ROBO1: variants seen among roughly 807,000 people sequenced by gnomAD.
ROBO1 encodes roundabout guidance receptor 1, also known as roundabout homolog 1.
In ROBO1, 149 loss-of-function variants were observed where a neutral mutation model predicts 195.9. The observed-to-expected ratio is 0.76, with a 90% confidence interval of 0.67 to 0.87. The LOEUF is 0.87. Ranked by LOEUF, ROBO1 falls within the 40% of genes least tolerant of loss-of-function variation. The pLI is 0.00. For missense variants in ROBO1, 1,933 were observed against 2,068.3 expected, an observed-to-expected ratio of 0.93 and a Z score of 1.27; for synonymous variants, 816 against 733.2, an observed-to-expected ratio of 1.11 and a Z score of -1.82.
At chr3:79,280,334 ACT>A (rs1436293484) in intron 2 of ROBO1, among the ~76,000 whole-genome samples, 5 of 152,150 alleles carry the variant, frequency 3.3e-5, no homozygotes, top group African/African-American at 1.2e-4. Context: ...ATCATTATGT[ACT>A]CTGAGAATAT....
intron 3 of ROBO1, among the ~76,000 whole-genome samples, chr3:78,975,577 C>A (rs2076869301): frequency 6.6e-6 from 1 of 151,910 alleles, no homozygotes; most frequent in African/African-American, 2.4e-5. Context: ...GAGGGGATAA[C>A]CACTGAGAGG....
At chr3:78,646,700 T>C (rs1039518881) in intron 20 of ROBO1, among the ~76,000 whole-genome samples, 2 of 151,698 alleles carry the variant, frequency 1.3e-5, no homozygotes, top group South Asian at 2.1e-4. Flanking sequence ...CACACAAAGA[T>C]GTATGCCAAG....
intron 2 of ROBO1, among the ~76,000 whole-genome samples, chr3:79,256,012 C>T (rs1332297447): frequency 1.3e-5 from 2 of 152,170 alleles, no homozygotes; most frequent in African/African-American, 2.4e-5. Context: ...GGAAAGCATC[C>T]TTGGCAGACT....
intron 3 of ROBO1, among the ~76,000 whole-genome samples, chr3:79,016,725 C>T (rs2077946789): frequency 6.6e-6 from 1 of 152,160 alleles, no homozygotes; most frequent in Non-Finnish European, 1.5e-5. Flanking sequence ...GACCATTAAT[C>T]CCCCTATCTT....
At chr3:78,615,006 C>A (rs1704032480) in intron 27 of ROBO1, among the ~76,000 whole-genome samples, 1 of 152,130 alleles carries the variant, frequency 6.6e-6, no homozygotes, top group Non-Finnish European at 1.5e-5. Flanking sequence ...AAAGCATTTT[C>A]TGCTTATTTC....
chr3:79,079,859 G>A (rs1312519370), intron 3 of ROBO1, among the ~76,000 whole-genome samples: 1 of 151,678 alleles, frequency 6.6e-6, no homozygotes, highest in Admixed American at 6.6e-5. Context: ...AAGTACCAGA[G>A]TATTTTGCTT....
intron 2 of ROBO1, among the ~76,000 whole-genome samples, chr3:79,418,986 G>A (rs905400661): frequency 6.6e-6 from 1 of 152,086 alleles, no homozygotes; most frequent in Admixed American, 6.6e-5. Context: ...CAGTCCAGGA[G>A]TGAAAAGATC....
chr3:78,839,466 A>C (rs1469219817), intron 4 of ROBO1, among the ~76,000 whole-genome samples: 1 of 151,328 alleles, frequency 6.6e-6, no homozygotes, highest in African/African-American at 2.4e-5. Context: ...AATTTTTTTC[A>C]TTAATTTACT....
chr3:79,754,805 G>A (rs1283418315), intron 1 of ROBO1, among the ~76,000 whole-genome samples: 4 of 152,094 alleles, frequency 2.6e-5, no homozygotes, highest in African/African-American at 4.8e-5. Flanking sequence ...TGGACAAAGC[G>A]CAAACAATTT....
rs149355413 is a variant in ROBO1 at position 79,320,383 on chromosome 3, C to T, written c.89-194844G>A. ...TCATTCTGTCACCAAGGCTGGAGTG[C>T]AGTGGCACAATCACAGCTCGCTGCA... is the stretch of plus-strand genomic sequence containing the variant. On this transcript the variant is annotated intron_variant, in intron 2 of 30. Coordinates refer to ENST00000464233, the MANE Select transcript of ROBO1 (RefSeq NM_002941.4). Among the ~76,000 whole-genome samples, 805 of 152,284 alleles carry T rather than the reference C, an allele frequency of 5.3e-3. 7 individuals are homozygous for T. Among genetic ancestry groups the T allele is most frequent in the African/African-American group, 0.018 (765 of 41,570 alleles).
chr3:78,752,630 A>G (rs1177005301), intron 4 of ROBO1, among the ~76,000 whole-genome samples: 1 of 152,190 alleles, frequency 6.6e-6, no homozygotes, highest in East Asian at 1.9e-4. Flanking sequence ...AAACTTTAAA[A>G]AATATTCCAA....
intron 3 of ROBO1, among the ~76,000 whole-genome samples, chr3:79,103,394 AG>A (rs2079715406): frequency 6.6e-6 from 1 of 151,802 alleles, no homozygotes; most frequent in Non-Finnish European, 1.5e-5. Context: ...CTTAGGAGAT[AG>A]GTTTCACATA....
chr3:79,763,555 A>G (rs772776476), intron 1 of ROBO1, among the ~76,000 whole-genome samples: 2 of 152,164 alleles, frequency 1.3e-5, no homozygotes, highest in South Asian at 2.1e-4. Context: ...ATTAGAGAAG[A>G]CACGTGTGCA....
intron 3 of ROBO1, among the ~76,000 whole-genome samples, chr3:79,123,572 A>G (rs1164623948): frequency 6.6e-6 from 1 of 152,032 alleles, no homozygotes; most frequent in Non-Finnish European, 1.5e-5. Context: ...GTATAGCAGA[A>G]GAGAGGTTTC....
intron 3 of ROBO1, among the ~76,000 whole-genome samples, chr3:79,101,668 C>T (rs760056407): frequency 7.9e-5 from 12 of 151,772 alleles, no homozygotes; most frequent in African/African-American, 2.4e-4. Flanking sequence ...AAATAGCTTC[C>T]GCATGTGTGT....
At chr3:79,348,803 A>G (rs2035230874) in intron 2 of ROBO1, among the ~76,000 whole-genome samples, 1 of 152,204 alleles carries the variant, frequency 6.6e-6, no homozygotes, top group African/African-American at 2.4e-5. Flanking sequence ...GGTAATGATT[A>G]TATGCTTCTT....
chr3:78,934,327 G>A (rs1008126230), intron 4 of ROBO1, among the ~76,000 whole-genome samples: 7 of 151,658 alleles, frequency 4.6e-5, no homozygotes, highest in African/African-American at 1.7e-4. Context: ...AGAGTAAAAT[G>A]GTGTTTAAAA....
chr3:79,745,975 GTTAAC>G (rs1438844232), intron 1 of ROBO1, among the ~76,000 whole-genome samples: 10 of 152,134 alleles, frequency 6.6e-5, no homozygotes, highest in South Asian at 2.1e-4. Flanking sequence ...TTGCTTTCAT[GTTAAC>G]TTAACAGATA....
chr3:78,759,342 C>T (rs539429506), intron 4 of ROBO1: 1 of 151,060 alleles, frequency 6.6e-6, no homozygotes, highest in Non-Finnish European at 1.5e-5. Flanking sequence ...CCACGCATGT[C>T]ATCAAAGACT....
Sources: gnomAD v4.1 joint callset for allele counts (sites outside exome capture counted in the v4.1 genomes callset) on GRCh38, gnomAD v4.1.1 for gene constraint, MANE v1.5 for transcripts, NCBI Gene and HGNC (gene_info 2026-07-23, HGNC 2026-07-21) for gene names.